Variants in MYO5A observed in about 807,000 individuals in gnomAD.
The protein encoded by MYO5A is myosin VA.
A neutral mutation model predicts 249.7 loss-of-function variants in MYO5A; 98 were observed. That is an observed-to-expected ratio of 0.39 (90% CI 0.33 to 0.46). The LOEUF is 0.46. Ranked by LOEUF, MYO5A falls within the 20% of genes least tolerant of loss-of-function variation. MYO5A has a pLI of 0.98. For missense variants in MYO5A, 1,696 were observed against 2,308.8 expected, an observed-to-expected ratio of 0.73 and a Z score of 5.44; for synonymous variants, 778 against 810.6, an observed-to-expected ratio of 0.96 and a Z score of 0.68.
At chr15:52,486,836 C>T (rs1595774661) in intron 1 of MYO5A, among the ~76,000 whole-genome samples, 1 of 152,242 alleles carries the variant, frequency 6.6e-6, no homozygotes, top group East Asian at 1.9e-4. Flanking sequence ...TCATCAAAGG[C>T]TTACAACTGA....
intron 39 of MYO5A, 117 bp from the exon 40 acceptor site, chr15:52,317,339 G>C: frequency 9.7e-7 from 1 of 1,035,072 alleles, no homozygotes; most frequent in Non-Finnish European, 1.4e-6. Flanking sequence ...CAGTATTTTT[G>C]TTCAATTTTC....
intron 20 of MYO5A, among the ~76,000 whole-genome samples, chr15:52,373,987 A>AAATAAATG (rs2041268969): frequency 6.7e-6 from 1 of 148,876 alleles, no homozygotes; most frequent in East Asian, 1.9e-4. Flanking sequence ...ATAAATAAAT[A>AAATAAATG]GGGCCTAGGT....
At chr15:52,517,522 T>C (rs2077519429) in intron 1 of MYO5A, among the ~76,000 whole-genome samples, 1 of 152,128 alleles carries the variant, frequency 6.6e-6, no homozygotes, top group Non-Finnish European at 1.5e-5. Flanking sequence ...CCGTCTCTAC[T>C]AAAAGTACAA....
chr15:52,410,672 C>T (rs1451460435), intron 5 of MYO5A, among the ~76,000 whole-genome samples, 196 bp from the exon 6 acceptor site: 9 of 151,532 alleles, frequency 5.9e-5, no homozygotes, highest in African/African-American at 1.7e-4. Flanking sequence ...CTGCAACCTC[C>T]GCCTCCCAGG....
At position 52,317,127 on chromosome 15, in the gene MYO5A, T is replaced by G; in HGVS notation, c.5330A>C (p.Gln1777Pro). The G allele has an allele frequency of 6.2e-7, 1 of 1,614,176 alleles. No individual in the cohort carries two copies. Among genetic ancestry groups the G allele is most frequent in the Non-Finnish European group, 8.5e-7 (1 of 1,180,002 alleles). Residue 1777 changes from glutamine to proline, a missense_variant, in exon 40 of 42, where the codon CAA becomes CCA. Transcript: ENST00000399233. ...ETLEPLIQAA[Q>P]LLQVKKKTDD... ...TGTTTTCTTTTTCACTTGCAAAAGT[T>G]GAGCAGCCTGAATGAGAGGTTCCAG...
rs118125023 is a variant in MYO5A, at chr15:52,468,718, A to T, written c.28-35433T>A. Among the ~76,000 whole-genome samples the T allele has an allele frequency of 9.5e-3, 1,452 of 152,320 alleles. 83 individuals carry two copies. The East Asian group carries it at 0.14, about 14-fold the overall frequency. ...TTAAAAGTTGCAAATTAAATTTGAAAATATTTAAAGGATTGAAAATAACCT... is the reference window on the plus strand; with the variant it reads ...TTAAAAGTTGCAAATTAAATTTGAATATATTTAAAGGATTGAAAATAACCT... On this transcript the variant is annotated intron_variant, in intron 1 of 41. Transcript: ENST00000399233.
chr15:52,394,378 T>C (rs911545127), intron 11 of MYO5A, among the ~76,000 whole-genome samples: 1 of 152,092 alleles, frequency 6.6e-6, no homozygotes, highest in African/African-American at 2.4e-5. Flanking sequence ...GAGTTGAAAC[T>C]GAAAGAAGCC....
At chr15:52,479,989 A>G (rs553692813) in intron 1 of MYO5A, among the ~76,000 whole-genome samples, 2 of 152,316 alleles carry the variant, frequency 1.3e-5, no homozygotes, top group East Asian at 3.9e-4. Context: ...CCTGTGATGG[A>G]AGTAAAGATT....
intron 5 of MYO5A, among the ~76,000 whole-genome samples, chr15:52,412,266 C>T (rs2043283002): frequency 6.6e-6 from 1 of 152,206 alleles, no homozygotes; most frequent in African/African-American, 2.4e-5. Flanking sequence ...CCACCTTCCA[C>T]ATATCATCTC....
At position 52,372,256 on chromosome 15, in the gene MYO5A, G is replaced by A; in HGVS notation, c.2685C>T (p.Cys895=). 6.2e-7 allele frequency: 1 copy of A among 1,612,630 alleles called. No individual in the cohort carries two copies. The highest frequency in any genetic ancestry group is 8.5e-7 in the Non-Finnish European group (1 of 1,180,030). The change falls in exon 21 of 42, where the codon TGC becomes TGT. Residue 895 remains cysteine, a synonymous_variant. Coordinates refer to ENST00000399233, the MANE Select transcript of MYO5A (RefSeq NM_001382347.1). ...CACGCTTGGCCATCATCCGCCTGAA[G>A]CAGCACTGAAGGTAGATGATGGCAT... is the stretch of plus-strand genomic sequence containing the variant. The part of the protein sequence containing the change: ...SMHAIIYLQC[C]FRRMMAKREL...
At chr15:52,429,222 T>C (rs1444404750) in intron 2 of MYO5A, among the ~76,000 whole-genome samples, 1 of 148,032 alleles carries the variant, frequency 6.8e-6, no homozygotes, top group African/African-American at 2.5e-5. Context: ...TTTTGTTTTG[T>C]TTGCTTTTTG....
intron 1 of MYO5A, among the ~76,000 whole-genome samples, chr15:52,512,226 A>G (rs1227920595): frequency 6.6e-6 from 1 of 152,158 alleles, no homozygotes; most frequent in Non-Finnish European, 1.5e-5. Context: ...GTTATAGTAG[A>G]AAAATGGGAT....
chr15:52,452,846 TAA>T (rs199499140), intron 1 of MYO5A, among the ~76,000 whole-genome samples: 83 of 123,722 alleles, frequency 6.7e-4, no homozygotes, highest in South Asian at 1.0e-3. Flanking sequence ...AGACTCCATG[TAA>T]AAAAAAAAAA....
chr15:52,518,949 A>G (rs2077554916), intron 1 of MYO5A, among the ~76,000 whole-genome samples: 5 of 152,214 alleles, frequency 3.3e-5, no homozygotes, highest in Non-Finnish European at 1.5e-5. Flanking sequence ...TTAGTAACTT[A>G]TTTTATTCCA....
At chr15:52,458,715 T>C (rs1035738962) in intron 1 of MYO5A, among the ~76,000 whole-genome samples, 14 of 151,912 alleles carry the variant, frequency 9.2e-5, no homozygotes, top group Admixed American at 2.0e-4. Flanking sequence ...TATGCATGTA[T>C]CAAAATATCA....
chr15:52,431,786 G>A (rs943557651), intron 2 of MYO5A, among the ~76,000 whole-genome samples: 1 of 151,624 alleles, frequency 6.6e-6, no homozygotes, highest in African/African-American at 2.4e-5. Flanking sequence ...AGGAGTTCGA[G>A]ACTAGCCTGG....
At chr15:52,449,125 C>A (rs891083431) in intron 1 of MYO5A, among the ~76,000 whole-genome samples, 14 of 151,796 alleles carry the variant, frequency 9.2e-5, no homozygotes, top group African/African-American at 2.9e-4. Context: ...CGTGCCACCA[C>A]GCCTGGCTAA....
Position 52,443,683 on chromosome 15 carries a change from G to T in MYO5A, c.28-10398C>A, listed in dbSNP as rs1436180829. 5.3e-5 allele frequency among the ~76,000 whole-genome samples: 8 copies of T among 150,084 alleles called. No homozygotes were observed. In the South Asian group the frequency reaches 1.7e-3, roughly 32 times the overall value. The stretch of plus-strand genomic sequence containing the variant: ...AGACTGGGCCACTGCACTTTAGCCT[G>T]GGCGACAGGGCAAGACTCCATCTCA... On this transcript the variant is annotated intron_variant, in intron 1 of 41. Coordinates refer to ENST00000399233, the MANE Select transcript of MYO5A (RefSeq NM_001382347.1).
intron 1 of MYO5A, among the ~76,000 whole-genome samples, chr15:52,499,026 T>C (rs979421752): frequency 5.3e-5 from 8 of 152,218 alleles, no homozygotes; most frequent in Non-Finnish European, 1.0e-4. Flanking sequence ...TACTACTAGA[T>C]TCTAGGCTTT....
Sources: gnomAD v4.1 joint callset for allele counts (sites outside exome capture counted in the v4.1 genomes callset) on GRCh38, gnomAD v4.1.1 for gene constraint, MANE v1.5 for transcripts, NCBI Gene and HGNC (gene_info 2026-07-23, HGNC 2026-07-21) for gene names.